The following DSCAM variants were observed in gnomAD, a reference collection of about 807,000 sequenced individuals.
DSCAM encodes cell adhesion molecule DSCAM.
DSCAM carries 47 observed loss-of-function variants against 217.7 expected under a neutral mutation model. The observed-to-expected ratio is 0.22, with a 90% CI of 0.17 to 0.28. The LOEUF (loss-of-function observed/expected upper bound fraction) is 0.28, where lower values mean the gene tolerates loss of function less well. Among genes scored for constraint, DSCAM ranks in the 10% least tolerant of loss-of-function variants. The probability of loss-of-function intolerance (pLI) is 1.00; values close to 1 mark genes in which losing one functional copy is unlikely to be tolerated. For missense variants in DSCAM, 2,080 were observed against 2,618.3 expected (o/e 0.79, Z 4.49); for synonymous variants, 1,056 against 1,015.3 (o/e 1.04, Z -0.76).
rs368974795 is a variant in DSCAM, at chr21:40,078,928, T to A, written c.4470A>T (p.Thr1490=). ...AGCCAATGAGGTTCAGCCTCACGCGTGTGGTGTTGATGCTGGCAAACAGCT... is the reference window on the plus strand; with the variant it reads ...AGCCAATGAGGTTCAGCCTCACGCGAGTGGTGTTGATGCTGGCAAACAGCT... The part of the protein sequence containing the change: ...EQELFASINT[T]RVRLNLIGWN... The change falls in exon 26 of 33, where the codon ACA becomes ACT. Residue 1490 remains threonine (T), a synonymous_variant. Transcript: ENST00000400454. The A allele has an allele frequency of 1.2e-6, 2 of 1,614,070 alleles. No individual in the cohort carries two copies. The highest frequency in any genetic ancestry group is 1.7e-6 in the Non-Finnish European group (2 of 1,180,034).
intron 27 of DSCAM, among the ~76,000 whole-genome samples, chr21:40,071,038 G>A (rs769873807): frequency 2.0e-5 from 3 of 152,162 alleles, no homozygotes; most frequent in Non-Finnish European, 4.4e-5. Flanking sequence ...ACACTAACTG[G>A]TGCCAACAGA....
chr21:40,442,500 C>A (rs1174910237), intron 3 of DSCAM, among the ~76,000 whole-genome samples: 1 of 146,254 alleles, frequency 6.8e-6, no homozygotes. Flanking sequence ...CAAATTAAGA[C>A]CCCTAATTTT....
intron 3 of DSCAM, among the ~76,000 whole-genome samples, chr21:40,682,954 T>C (rs1289247682): frequency 2.5e-5 from 1 of 39,398 alleles, no homozygotes; most frequent in African/African-American, 5.6e-5. Context: ...AATCGGGTCA[T>C]AAGGGTGGCC....
At chr21:40,076,406 T>C (rs1222574619) in intron 26 of DSCAM, among the ~76,000 whole-genome samples, 1 of 152,154 alleles carries the variant, frequency 6.6e-6, no homozygotes, top group African/African-American at 2.4e-5. Context: ...GGTATGAATG[T>C]AGGCTGCCAA....
intron 21 of DSCAM, among the ~76,000 whole-genome samples, chr21:40,089,145 C>A (rs1342523324): frequency 6.6e-6 from 1 of 152,194 alleles, no homozygotes; most frequent in African/African-American, 2.4e-5. Flanking sequence ...TCAAGCCCAA[C>A]AACCCCCATG....
chr21:40,316,478 C>T (rs183765192), intron 8 of DSCAM, among the ~76,000 whole-genome samples: 29 of 152,244 alleles, frequency 1.9e-4, no homozygotes, highest in African/African-American at 6.0e-4. Context: ...AAAGTAACTC[C>T]AGTGATTAGA....
At chr21:40,792,798 C>T (rs1005518321) in intron 1 of DSCAM, among the ~76,000 whole-genome samples, 4 of 152,114 alleles carry the variant, frequency 2.6e-5, no homozygotes, top group Admixed American at 6.5e-5. Context: ...GGGCTGAGAC[C>T]ATCCGTTTTC....
Position 40,144,360 on chromosome 21 carries a change from C to T in DSCAM, c.3259+131G>A, listed in dbSNP as rs75776507. ...GGTCACGAGGGAAGGCTTTTCCACC[C>T]GAGACCCCAGGCCCTGCAGGTCACT... On this transcript the variant is annotated intron_variant, in intron 17 of 32. Transcript: ENST00000400454. This position sits in a 1 kb window ranked among gnomAD's most constrained non-coding sequence, Gnocchi z 4.8. 6 of 1,432,332 alleles carry T rather than the reference C, an allele frequency of 4.2e-6. No homozygotes were observed. Among genetic ancestry groups the T allele is most frequent in the South Asian group, 1.3e-5 (1 of 74,222 alleles). The allele number at this position is 1,432,332 out of a possible 1,614,324, so 88.7% of individuals were successfully genotyped here.
intron 3 of DSCAM, among the ~76,000 whole-genome samples, chr21:40,456,582 A>G (rs992020791): frequency 2.6e-5 from 4 of 152,184 alleles, no homozygotes; most frequent in Non-Finnish European, 5.9e-5. Context: ...AACTCTAGCT[A>G]ACGATATGTA....
At chr21:40,149,524 C>T (rs2090398914) in intron 16 of DSCAM, among the ~76,000 whole-genome samples, 1 of 149,124 alleles carries the variant, frequency 6.7e-6, no homozygotes, top group African/African-American at 2.5e-5. Context: ...CCATCACTAT[C>T]CCAACACCAA....
intron 15 of DSCAM, among the ~76,000 whole-genome samples, chr21:40,172,676 T>C (rs2090672249): frequency 6.6e-6 from 1 of 152,256 alleles, no homozygotes; most frequent in Admixed American, 6.5e-5. Context: ...TCATCATTAA[T>C]TGATATGGGC....
intron 16 of DSCAM, among the ~76,000 whole-genome samples, chr21:40,166,770 A>G (rs1200503914): frequency 2.6e-5 from 4 of 152,218 alleles, no homozygotes; most frequent in Non-Finnish European, 5.9e-5. Context: ...AAGAAAATTT[A>G]GGGGCTTTCT....
intron 1 of DSCAM, among the ~76,000 whole-genome samples, chr21:40,733,362 C>T (rs1271805523): frequency 2.0e-5 from 3 of 152,204 alleles, no homozygotes; most frequent in Non-Finnish European, 4.4e-5. Context: ...TGAGACCTCA[C>T]ATTGGAGAAG....
At chr21:40,029,560 G>T (rs1402978520) in intron 32 of DSCAM, among the ~76,000 whole-genome samples, 1 of 152,116 alleles carries the variant, frequency 6.6e-6, no homozygotes, top group Non-Finnish European at 1.5e-5. Flanking sequence ...TCTCCTGAGG[G>T]TGTGAGGGTG....
rs2089348614 is a variant in DSCAM, at chr21:40,075,226, C to T, written c.4712-13G>A. ...GGAGGAATTGTACCTGAAAGCAGGG[C>T]CACGGTGTTAGATGGCTATTAATGA... is the stretch of plus-strand genomic sequence containing the variant. On this transcript the variant is annotated splice_polypyrimidine_tract_variant and intron_variant, in intron 26 of 32. Coordinates refer to ENST00000400454, the MANE Select transcript of DSCAM (RefSeq NM_001389.5). 5 of 1,613,986 alleles carry T rather than the reference C, an allele frequency of 3.1e-6. No individual in the cohort carries two copies. The highest frequency in any genetic ancestry group is 1.6e-4 in the Middle Eastern group (1 of 6,062).
intron 4 of DSCAM, among the ~76,000 whole-genome samples, chr21:40,361,185 C>A (rs1414275924): frequency 2.0e-5 from 3 of 151,664 alleles, no homozygotes; most frequent in Non-Finnish European, 4.4e-5. Context: ...TGAAAACGTA[C>A]AGAAAAGTAG....
chr21:40,347,253 G>A (rs1435381714), intron 6 of DSCAM, among the ~76,000 whole-genome samples: 1 of 147,488 alleles, frequency 6.8e-6, no homozygotes, highest in African/African-American at 2.6e-5. Flanking sequence ...AGCTGAGACT[G>A]TGCCACTGCA....
At chr21:40,372,544 AGCCAT>A (rs1162968985) in intron 3 of DSCAM, among the ~76,000 whole-genome samples, 1 of 152,176 alleles carries the variant, frequency 6.6e-6, no homozygotes, top group East Asian at 1.9e-4. Context: ...TCGATTATTG[AGCCAT>A]GCTGCTCAGT....
At chr21:40,771,968 A>G (rs1197318753) in intron 1 of DSCAM, among the ~76,000 whole-genome samples, 1 of 152,226 alleles carries the variant, frequency 6.6e-6, no homozygotes, top group East Asian at 1.9e-4. Flanking sequence ...ATTTCATAAA[A>G]TGTGAATACG....
Sources: allele counts gnomAD v4.1 joint callset (sites outside exome capture counted in the v4.1 genomes callset), GRCh38; gene constraint gnomAD v4.1.1; non-coding constraint Gnocchi (gnomAD v3.1); transcripts MANE v1.5; gene names NCBI Gene and HGNC (gene_info 2026-07-23, HGNC 2026-07-21).